NSUN6: variants seen among roughly 807,000 people sequenced by gnomAD.
The protein encoded by NSUN6 is tRNA (cytosine(72)-C(5))-methyltransferase NSUN6.
In NSUN6, 64 loss-of-function variants were observed where a neutral mutation model predicts 58.0. The ratio of observed to expected loss-of-function variants is 1.10; its 90% CI spans 0.90 to 1.36. The LOEUF is 1.36. NSUN6 is among the 40% of genes most tolerant of loss of function. The probability of loss-of-function intolerance (pLI) is 0.00; values close to 1 mark genes in which losing one functional copy is unlikely to be tolerated. For synonymous variants in NSUN6, 231 were observed against 193.9 expected (o/e 1.19, Z -1.59); for missense variants, 701 against 550.1 (o/e 1.27, Z -2.74).
At chr10:18,650,355 A>T (rs540605090) in intron 1 of NSUN6, among the ~76,000 whole-genome samples, 1 of 152,302 alleles carries the variant, frequency 6.6e-6, no homozygotes, top group East Asian at 1.9e-4. Context: ...TTTACTGAGG[A>T]CTTTAGCAAA....
intron 1 of NSUN6, among the ~76,000 whole-genome samples, chr10:18,650,725 C>G (rs747757931): frequency 6.6e-5 from 10 of 152,174 alleles, no homozygotes; most frequent in Non-Finnish European, 1.3e-4. Flanking sequence ...ATTAAAGATG[C>G]AAATCTCCTA....
chr10:18,656,222 C>G (rs558680394), upstream of NSUN6, among the ~76,000 whole-genome samples: 2 of 152,202 alleles, frequency 1.3e-5, no homozygotes, highest in African/African-American at 4.8e-5. Flanking sequence ...GGAGACTGAT[C>G]AACTAAACTA....
chr10:18,613,721 G>A (rs1174355172), intron 5 of NSUN6, among the ~76,000 whole-genome samples: 1 of 152,120 alleles, frequency 6.6e-6, no homozygotes, highest in Non-Finnish European at 1.5e-5. Flanking sequence ...TTCTTCAGAA[G>A]AACGAATGAA....
At chr10:18,617,750 G>T (rs1454604590) in intron 3 of NSUN6, among the ~76,000 whole-genome samples, 1 of 152,062 alleles carries the variant, frequency 6.6e-6, no homozygotes, top group African/African-American at 2.4e-5. Flanking sequence ...TTAATCCCTA[G>T]TGCAACAGTG....
chr10:18,610,253 C>T (rs1273431612), intron 5 of NSUN6, among the ~76,000 whole-genome samples: 2 of 152,046 alleles, frequency 1.3e-5, no homozygotes, highest in Non-Finnish European at 1.5e-5. Context: ...GAGGCTGAGA[C>T]AGGAGAATCA....
chr10:18,649,627 CAAA>C (rs1267244250), intron 1 of NSUN6, among the ~76,000 whole-genome samples: 11 of 96,236 alleles, frequency 1.1e-4, no homozygotes, highest in Admixed American at 2.3e-4. Flanking sequence ...GACCCTGTCT[CAAA>C]AAAAAAAAAA....
chr10:18,553,164 TCCATTCCATTCC>T (rs2054722157), intron 8 of NSUN6, among the ~76,000 whole-genome samples: 1 of 150,844 alleles, frequency 6.6e-6, no homozygotes, highest in African/African-American at 2.5e-5. Flanking sequence ...CATTCCATTC[TCCATTCCATTCC>T]ATTGCATTCT....
At chr10:18,620,180 C>T (rs1312388975) in intron 3 of NSUN6, among the ~76,000 whole-genome samples, 2 of 151,860 alleles carry the variant, frequency 1.3e-5, no homozygotes, top group Admixed American at 6.6e-5. Context: ...CTCCACCTCC[C>T]GGGTTCACGC....
rs1383220101 is a variant in NSUN6 at position 18,553,856 on chromosome 10, G to T, written c.923-1885C>A. On this transcript the variant is annotated intron_variant, in intron 8 of 10. Transcript: ENST00000377304. The stretch of plus-strand genomic sequence containing the variant: ...ATAGAATAGAATGGAGAATGGAATG[G>T]AATAGAATGAAGATTGAACTGGAAT... Among the ~76,000 whole-genome samples, 3 of 151,542 alleles carry T rather than the reference G, an allele frequency of 2.0e-5. No homozygotes were observed. In the East Asian group the frequency reaches 5.9e-4, roughly 30 times the overall value.
At chr10:18,630,999 C>A (rs982584376) in intron 3 of NSUN6, among the ~76,000 whole-genome samples, 40 of 151,742 alleles carry the variant, frequency 2.6e-4, no homozygotes, top group African/African-American at 9.4e-4. Flanking sequence ...ATGCAAAAAT[C>A]CTCAATAAAA....
At chr10:18,644,513 T>TG (rs2059482834) in intron 2 of NSUN6, among the ~76,000 whole-genome samples, 1 of 151,146 alleles carries the variant, frequency 6.6e-6, no homozygotes, top group Non-Finnish European at 1.5e-5. Context: ...TTTTTTTTTT[T>TG]ACTGTTAAGT....
Position 18,611,125 on chromosome 10 carries a change from G to A in NSUN6, c.576-1199C>T, listed in dbSNP as rs180970661. ...ATGGAGGGATCCCTTGAACCCAGGA[G>A]TTGGAGGATGCAGTGAGTTAGCATC... is the stretch of plus-strand genomic sequence containing the variant. On this transcript the variant is annotated intron_variant, in intron 5 of 10. Coordinates refer to ENST00000377304, the MANE Select transcript of NSUN6 (RefSeq NM_182543.5). Among the ~76,000 whole-genome samples, 119 of 152,204 alleles carry A rather than the reference G, an allele frequency of 7.8e-4. 2 individuals are homozygous for A. In the Middle Eastern group the frequency reaches 0.031, roughly 39 times the overall value.
intron 3 of NSUN6, among the ~76,000 whole-genome samples, chr10:18,621,269 T>C (rs958394020): frequency 1.7e-4 from 26 of 152,200 alleles, no homozygotes; most frequent in Non-Finnish European, 2.4e-4. Context: ...GTGGGAGTCC[T>C]GTGTGACTCC....
chr10:18,646,065 A>G (rs1477908081), intron 2 of NSUN6, among the ~76,000 whole-genome samples: 1 of 151,978 alleles, frequency 6.6e-6, no homozygotes, highest in African/African-American at 2.4e-5. Context: ...CATTGTGGCG[A>G]GTGCATATAA....
intron 10 of NSUN6, among the ~76,000 whole-genome samples, chr10:18,547,748 T>C (rs1338830780): frequency 1.3e-5 from 2 of 152,092 alleles, no homozygotes; most frequent in African/African-American, 4.8e-5. Context: ...TGATGTGACA[T>C]GAGAGAAAAT....
rs141018519 is a variant in NSUN6 at position 18,616,121 on chromosome 10, T to A, written c.421+63A>T. On this transcript the variant is annotated intron_variant, in intron 4 of 10. Coordinates refer to ENST00000377304, the MANE Select transcript of NSUN6 (RefSeq NM_182543.5). ...ATCTTAGTGACAAATCAATAAATTT[T>A]CCATTTGAAAATGCACATAAATTTT... 673 of 961,538 alleles carry A rather than the reference T, an allele frequency of 7.0e-4. 1 individual carries two copies. In the African/African-American group the frequency reaches 9.8e-3, roughly 14 times the overall value. The allele number at this position is 961,538 out of a possible 1,614,324, so 59.6% of individuals were successfully genotyped here.
intron 3 of NSUN6, among the ~76,000 whole-genome samples, chr10:18,622,118 G>A (rs2131396361): frequency 6.6e-6 from 1 of 152,156 alleles, no homozygotes; most frequent in East Asian, 1.9e-4. Context: ...GAATATTTGT[G>A]TCCCCAAAAT....
intron 2 of NSUN6, among the ~76,000 whole-genome samples, chr10:18,645,933 G>A (rs145974256): frequency 6.6e-6 from 1 of 152,142 alleles, no homozygotes; most frequent in African/African-American, 2.4e-5. Context: ...TGGGATTCAC[G>A]CGTGTAATCC....
intron 7 of NSUN6, among the ~76,000 whole-genome samples, chr10:18,592,200 A>G (rs1564771245): frequency 6.6e-6 from 1 of 152,182 alleles, no homozygotes; most frequent in Non-Finnish European, 1.5e-5. Context: ...ACTGCAAACC[A>G]TTGTTCAGGG....
Sources: gnomAD v4.1 joint callset for allele counts (sites outside exome capture counted in the v4.1 genomes callset) on GRCh38, gnomAD v4.1.1 for gene constraint, MANE v1.5 for transcripts, NCBI Gene and HGNC (gene_info 2026-07-23, HGNC 2026-07-21) for gene names.